The following TMEM150C variants were observed in gnomAD, a reference collection of about 807,000 sequenced individuals.
The protein encoded by TMEM150C is tentonin 3.
Under a neutral mutation model 29.9 loss-of-function variants are expected in TMEM150C, and 10 were observed. The ratio of observed to expected loss-of-function variants is 0.33; its 90% CI spans 0.21 to 0.57. The LOEUF (loss-of-function observed/expected upper bound fraction) is 0.57. TMEM150C is among the 20% of genes least tolerant of loss of function. The pLI is 0.88. For synonymous variants in TMEM150C, 101 were observed against 112.5 expected (o/e 0.90, Z 0.64); for missense variants, 251 against 303.6 (o/e 0.83, Z 1.29).
intron 7 of TMEM150C, 60 bp downstream of exon 7, chr4:82,490,001 G>A: frequency 6.5e-7 from 1 of 1,529,402 alleles, no homozygotes. Context: ...TTCTTCTACA[G>A]AGACAACTTA....
At chr4:82,486,992 A>C (rs1483794458) in intron 7 of TMEM150C, among the ~76,000 whole-genome samples, 2 of 152,182 alleles carry the variant, frequency 1.3e-5, no homozygotes, top group Non-Finnish European at 2.9e-5. Flanking sequence ...CTGAAATTAG[A>C]CCTGAAATCG....
At chr4:82,510,745 T>C (rs1724096877) in intron 1 of TMEM150C, among the ~76,000 whole-genome samples, 1 of 152,180 alleles carries the variant, frequency 6.6e-6, no homozygotes, top group Non-Finnish European at 1.5e-5. Context: ...CCTGCTACAA[T>C]AGTTTTTCAT....
chr4:82,551,008 C>G (rs1157710741), intron 1 of TMEM150C, among the ~76,000 whole-genome samples: 1 of 152,072 alleles, frequency 6.6e-6, no homozygotes, highest in Non-Finnish European at 1.5e-5. Flanking sequence ...GAGTTTGAGG[C>G]TGAATTCATC....
At chr4:82,542,844 G>A (rs138016093) in intron 1 of TMEM150C, among the ~76,000 whole-genome samples, 134 of 152,170 alleles carry the variant, frequency 8.8e-4, no homozygotes, top group African/African-American at 3.1e-3. Flanking sequence ...GAAACTGAAA[G>A]GAATTACCAC....
rs371030148 is a variant in TMEM150C at position 82,538,980 on chromosome 4, T to G, written c.-11+22926A>C. On this transcript the variant is annotated intron_variant, in intron 1 of 7. Coordinates refer to ENST00000449862, the MANE Select transcript of TMEM150C (RefSeq NM_001080506.3). Reference sequence around the variant, plus strand: ...TACTCAGGAGGCTAAGGTGGGAGGATCACTTGAGCCTGGGAGGTCAAAGCT... The same window carrying G: ...TACTCAGGAGGCTAAGGTGGGAGGAGCACTTGAGCCTGGGAGGTCAAAGCT... 3.5e-4 allele frequency among the ~76,000 whole-genome samples: 53 copies of G among 152,196 alleles called. 1 individual carries two copies. The highest frequency in any genetic ancestry group is 1.2e-3 in the African/African-American group (50 of 41,538).
chr4:82,496,366 A>G, intron 5 of TMEM150C, 171 bp from the exon 6 acceptor site: 2 of 557,958 alleles, frequency 3.6e-6, no homozygotes, highest in Non-Finnish European at 6.1e-6. Context: ...CACATTTTAC[A>G]TCTCTGGAAT....
intron 1 of TMEM150C, among the ~76,000 whole-genome samples, chr4:82,513,722 C>T (rs1179264968): frequency 6.6e-6 from 1 of 152,126 alleles, no homozygotes; most frequent in East Asian, 1.9e-4. Context: ...ACTTCTAAAC[C>T]TCAAACAGCA....
intron 1 of TMEM150C, among the ~76,000 whole-genome samples, chr4:82,525,063 A>T (rs1177408394): frequency 1.3e-5 from 2 of 152,242 alleles, no homozygotes; most frequent in Non-Finnish European, 2.9e-5. Context: ...AAGCATTGTG[A>T]AATCAATGAA....
chr4:82,491,468 T>C lies in TMEM150C; in HGVS notation c.364-1230A>G, dbSNP rs2110063072. 5.1e-5 allele frequency: 35 copies of C among 691,240 alleles called. No homozygotes were observed. In the South Asian group the frequency reaches 5.4e-4, roughly 11 times the overall value. 42.8% of individuals were successfully genotyped at this position (691,240 alleles called of 1,614,324 possible). On this transcript the variant is annotated intron_variant, in intron 6 of 7. Transcript: ENST00000449862. ...ACTGCAACCTGATATAGCGGGGCAATTTCACAAAGCGAGTGAGGTCACTTT... is the reference window on the plus strand; with the variant it reads ...ACTGCAACCTGATATAGCGGGGCAACTTCACAAAGCGAGTGAGGTCACTTT...
At chr4:82,549,462 G>A (rs1725496885) in intron 1 of TMEM150C, among the ~76,000 whole-genome samples, 1 of 152,174 alleles carries the variant, frequency 6.6e-6, no homozygotes. Context: ...GGGGCTAGGG[G>A]TAGGAGGATA....
At chr4:82,535,744 GTT>G (rs2110084963) in intron 1 of TMEM150C, among the ~76,000 whole-genome samples, 1 of 152,352 alleles carries the variant, frequency 6.6e-6, no homozygotes, top group Admixed American at 6.5e-5. Context: ...AGCAGCAGTA[GTT>G]TATGCATTAA....
Position 82,485,423 on chromosome 4 carries a change from GAGGTTCTA to G in TMEM150C, c.*80_*87del. On this transcript the variant is annotated 3_prime_UTR_variant, in exon 8 of 8. Transcript: ENST00000449862. ...GTGTGTGTGTGTGTGTGTGTGAAAT[GAGGTTCTA>G]TGTCAAGTCCTGTGAGTGTGTCCTA... The G allele has an allele frequency of 2.0e-5, 18 of 879,984 alleles. No homozygotes were observed. Among genetic ancestry groups the G allele is most frequent in the Non-Finnish European group, 2.8e-5 (16 of 565,334 alleles). 54.5% of individuals were successfully genotyped at this position (879,984 alleles called of 1,614,324 possible).
chr4:82,507,723 CTCTCTTTTTTTTT>C lies in TMEM150C; in HGVS notation c.-10-3069_-10-3057del, dbSNP rs1479076517. 1.2e-4 allele frequency among the ~76,000 whole-genome samples: 10 copies of C among 86,050 alleles called. 1 individual carries two copies. Among genetic ancestry groups the C allele is most frequent in the African/African-American group, 3.1e-4 (7 of 22,418 alleles). The allele number at this position is 86,050 out of a possible 152,430, so 56.5% of individuals were successfully genotyped here. A position where few individuals can be genotyped will look rare whatever the true frequency, so the allele number is the denominator to read the frequency against. ...TATATTAAATTAACTCTCTCTCTCT[CTCTCTTTTTTTTT>C]TTTTTTTTTTTTTTTTTTTTTTTTT... On this transcript the variant is annotated intron_variant, in intron 1 of 7. Coordinates refer to ENST00000449862, the MANE Select transcript of TMEM150C (RefSeq NM_001080506.3).
chr4:82,495,993 T>C, intron 6 of TMEM150C, 75 bp downstream of exon 6: 1 of 1,587,014 alleles, frequency 6.3e-7, no homozygotes, highest in South Asian at 1.1e-5. Flanking sequence ...TGATTATACC[T>C]CAATAGCTTT....
At chr4:82,542,981 G>A (rs1309425849) in intron 1 of TMEM150C, among the ~76,000 whole-genome samples, 1 of 152,208 alleles carries the variant, frequency 6.6e-6, no homozygotes, top group Non-Finnish European at 1.5e-5. Flanking sequence ...TTCATGCACT[G>A]TATTAATGAC....
intron 6 of TMEM150C, among the ~76,000 whole-genome samples, chr4:82,493,525 G>A (rs957158154): frequency 3.3e-5 from 5 of 152,112 alleles, no homozygotes; most frequent in African/African-American, 7.2e-5. Context: ...TCCGGCAAAC[G>A]TTCTTCATAA....
intron 1 of TMEM150C, among the ~76,000 whole-genome samples, chr4:82,536,356 C>CAAAAAAAAAAAAAA (rs567469021): frequency 1.2e-5 from 1 of 80,446 alleles, no homozygotes; most frequent in Non-Finnish European, 3.1e-5. Context: ...GACTCCATCT[C>CAAAAAAAAAAAAAA]AAAAAAAAAA....
intron 1 of TMEM150C, among the ~76,000 whole-genome samples, chr4:82,510,428 G>C (rs527239539): frequency 6.6e-6 from 1 of 152,274 alleles, no homozygotes; most frequent in South Asian, 2.1e-4. Flanking sequence ...AATGGAGAGA[G>C]GTAGCTATAG....
intron 1 of TMEM150C, among the ~76,000 whole-genome samples, chr4:82,547,973 C>T (rs1264016556): frequency 1.3e-5 from 2 of 152,186 alleles, no homozygotes; most frequent in African/African-American, 4.8e-5. Context: ...CAATGGGGAA[C>T]TGGTCCAAGA....
Sources: allele counts gnomAD v4.1 joint callset (sites outside exome capture counted in the v4.1 genomes callset), GRCh38; gene constraint gnomAD v4.1.1; transcripts MANE v1.5; gene names NCBI Gene and HGNC (gene_info 2026-07-23, HGNC 2026-07-21).